Variants in WWOX observed in about 807,000 individuals in gnomAD.
WWOX encodes WW domain containing oxidoreductase, also known as WW domain-containing oxidoreductase.
A neutral mutation model predicts 46.2 loss-of-function variants in WWOX; 69 were observed. The observed-to-expected ratio is 1.49, with a 90% CI of 1.23 to 1.82. WWOX has a LOEUF of 1.82. WWOX is among the 40% of genes most tolerant of loss of function. WWOX has a pLI of 0.00. For synonymous variants in WWOX, 359 were observed against 202.6 expected (o/e 1.77, Z -6.56); for missense variants, 919 against 542.6 (o/e 1.69, Z -6.89).
At chr16:78,364,992 G>C (rs886122199) in intron 5 of WWOX, among the ~76,000 whole-genome samples, 4 of 152,156 alleles carry the variant, frequency 2.6e-5, no homozygotes, top group Non-Finnish European at 5.9e-5. Context: ...TGAAGTCATA[G>C]TATTTTCTGT....
intron 5 of WWOX, among the ~76,000 whole-genome samples, chr16:78,381,199 G>A (rs531714861): frequency 2.6e-5 from 4 of 152,240 alleles, no homozygotes; most frequent in East Asian, 1.9e-4. Flanking sequence ...AGGCAGTATC[G>A]CATCAGAGTC....
chr16:78,549,873 A>G (rs945519493), intron 8 of WWOX, among the ~76,000 whole-genome samples: 4 of 152,196 alleles, frequency 2.6e-5, no homozygotes, highest in Non-Finnish European at 4.4e-5. Context: ...GAATCTTTAA[A>G]GGATTTTTTA....
At chr16:78,491,619 C>T (rs750197672) in intron 8 of WWOX, among the ~76,000 whole-genome samples, 6 of 152,080 alleles carry the variant, frequency 3.9e-5, no homozygotes, top group Admixed American at 6.6e-5. Context: ...TGCGCTACCA[C>T]ACCTGGCTAC....
At chr16:79,088,605 C>A in intron 8 of WWOX, among the ~76,000 whole-genome samples, 1 of 152,204 alleles carries the variant, frequency 6.6e-6, no homozygotes, top group Non-Finnish European at 1.5e-5. Flanking sequence ...GTTTTCTAGA[C>A]TCACTCCATG....
At chr16:78,714,935 G>A (rs1184030222) in intron 8 of WWOX, among the ~76,000 whole-genome samples, 2 of 152,162 alleles carry the variant, frequency 1.3e-5, no homozygotes, top group African/African-American at 4.8e-5. Context: ...GATAGATGAC[G>A]TGATTGTGAT....
At chr16:78,313,049 C>A (rs750604270) in intron 5 of WWOX, among the ~76,000 whole-genome samples, 2 of 152,178 alleles carry the variant, frequency 1.3e-5, no homozygotes, top group African/African-American at 4.8e-5. Flanking sequence ...CCAGACATGT[C>A]CTGTTTTCAG....
chr16:78,789,753 C>G (rs1448431350), intron 8 of WWOX, among the ~76,000 whole-genome samples: 2 of 152,132 alleles, frequency 1.3e-5, no homozygotes, highest in Non-Finnish European at 2.9e-5. Flanking sequence ...CACGGTTGGC[C>G]AGCTCCCAAA....
chr16:78,953,629 A>G (rs1188716197), intron 8 of WWOX, among the ~76,000 whole-genome samples: 1 of 152,130 alleles, frequency 6.6e-6, no homozygotes, highest in Non-Finnish European at 1.5e-5. Context: ...CCCAGTGGGT[A>G]CCGTACTTCA....
intron 5 of WWOX, among the ~76,000 whole-genome samples, chr16:78,250,060 G>A (rs1234562759): frequency 6.6e-6 from 1 of 152,184 alleles, no homozygotes; most frequent in Non-Finnish European, 1.5e-5. Flanking sequence ...GACAGACCTG[G>A]CCTTGGGCAA....
chr16:78,326,900 G>A (rs1008241638), intron 5 of WWOX, among the ~76,000 whole-genome samples: 3 of 152,118 alleles, frequency 2.0e-5, no homozygotes, highest in Admixed American at 1.3e-4. Flanking sequence ...GAATACTGAA[G>A]TTTCTCACCA....
intron 5 of WWOX, among the ~76,000 whole-genome samples, chr16:78,200,218 G>C (rs949838366): frequency 1.3e-5 from 2 of 151,982 alleles, no homozygotes; most frequent in Non-Finnish European, 2.9e-5. Flanking sequence ...TCCTCTGCAC[G>C]TAGTAGGCAG....
chr16:79,203,511 T>C (rs1488216542), intron 8 of WWOX: 1 of 151,606 alleles, frequency 6.6e-6, no homozygotes, highest in Non-Finnish European at 1.5e-5. Flanking sequence ...TTTTTTTTTT[T>C]TCTTCAGTGC....
intron 8 of WWOX, among the ~76,000 whole-genome samples, chr16:78,829,440 T>C (rs1365869145): frequency 6.6e-6 from 1 of 152,192 alleles, no homozygotes; most frequent in East Asian, 1.9e-4. Context: ...TTTTACTCAG[T>C]CTACTGATTC....
chr16:78,258,416 C>G (rs1330507319), intron 5 of WWOX, among the ~76,000 whole-genome samples: 1 of 152,066 alleles, frequency 6.6e-6, no homozygotes, highest in African/African-American at 2.4e-5. Context: ...GGTGTGAAAA[C>G]TAAAATGCCT....
chr16:78,607,373 C>G (rs1020880291), intron 8 of WWOX, among the ~76,000 whole-genome samples: 2 of 152,060 alleles, frequency 1.3e-5, no homozygotes, highest in African/African-American at 4.8e-5. Context: ...GTTTGTGAGT[C>G]CAGAGACGAT....
At chr16:78,819,957 T>C (rs1332647226) in intron 8 of WWOX, among the ~76,000 whole-genome samples, 1 of 152,242 alleles carries the variant, frequency 6.6e-6, no homozygotes, top group Non-Finnish European at 1.5e-5. Flanking sequence ...TATTCATTAA[T>C]TTATACTCTT....
At chr16:79,029,338 A>G (rs2047708365) in intron 8 of WWOX, among the ~76,000 whole-genome samples, 1 of 152,218 alleles carries the variant, frequency 6.6e-6, no homozygotes, top group South Asian at 2.1e-4. Context: ...ATTAAGAAAA[A>G]GGTATGCAGT....
At chr16:78,610,296 A>T (rs1399844934) in intron 8 of WWOX, among the ~76,000 whole-genome samples, 1 of 152,150 alleles carries the variant, frequency 6.6e-6, no homozygotes, top group Non-Finnish European at 1.5e-5. Flanking sequence ...TGTGGCATTT[A>T]ATTTTTCCAC....
At chr16:78,311,784 G>T (rs2080249580) in intron 5 of WWOX, among the ~76,000 whole-genome samples, 2 of 100,022 alleles carry the variant, frequency 2.0e-5, no homozygotes, top group South Asian at 6.4e-4. Flanking sequence ...TTAAAAAGCA[G>T]CCTGGCGGGG....
Sources: allele counts gnomAD v4.1 joint callset (sites outside exome capture counted in the v4.1 genomes callset), GRCh38; gene constraint gnomAD v4.1.1; transcripts MANE v1.5; gene names NCBI Gene and HGNC (gene_info 2026-07-23, HGNC 2026-07-21).